Variants in HECW1 observed in about 807,000 individuals in gnomAD.
HECW1 encodes the protein E3 ubiquitin-protein ligase HECW1.
In HECW1, 61 loss-of-function variants were observed where a neutral mutation model predicts 182.3. The observed-to-expected ratio is 0.33, with a 90% CI of 0.27 to 0.41. The LOEUF (loss-of-function observed/expected upper bound fraction) is 0.41. Among genes scored for constraint, HECW1 ranks in the 10% least tolerant of loss-of-function variants. The pLI is 1.00. For synonymous variants in HECW1, 859 were observed against 832.6 expected (o/e 1.03, Z -0.55); for missense variants, 1,739 against 2,108.9 (o/e 0.82, Z 3.44).
intron 12 of HECW1, among the ~76,000 whole-genome samples, chr7:43,454,424 A>G (rs2152887065): frequency 6.6e-6 from 1 of 152,374 alleles, no homozygotes; most frequent in East Asian, 1.9e-4. Context: ...TTTCTAGATC[A>G]AGATTAATTA....
intron 4 of HECW1, among the ~76,000 whole-genome samples, chr7:43,319,775 A>ATTTTTTTTT (rs10604163): frequency 2.2e-4 from 23 of 105,492 alleles, no homozygotes; most frequent in African/African-American, 6.5e-4. Flanking sequence ...AATTTTTGTA[A>ATTTTTTTTT]TTTTTTTTTT....
intron 2 of HECW1, among the ~76,000 whole-genome samples, chr7:43,211,803 C>T (rs1796032757): frequency 6.6e-6 from 1 of 152,202 alleles, no homozygotes; most frequent in Non-Finnish European, 1.5e-5. Context: ...ACCCTTTGAG[C>T]TTCCCTTCTG....
intron 2 of HECW1, among the ~76,000 whole-genome samples, chr7:43,159,099 C>T (rs1033618469): frequency 2.7e-5 from 4 of 148,752 alleles, no homozygotes; most frequent in African/African-American, 1.0e-4. Flanking sequence ...TTGCATGAAT[C>T]TGACAGTTTA....
At chr7:43,207,761 A>T (rs1392521952) in intron 2 of HECW1, 2 of 152,186 alleles carry the variant, frequency 1.3e-5, no homozygotes, top group Admixed American at 6.5e-5. Context: ...ATTGTACTTT[A>T]AAAAACATGG....
chr7:43,300,382 G>A (rs1404738112), intron 3 of HECW1, among the ~76,000 whole-genome samples: 23 of 152,180 alleles, frequency 1.5e-4, no homozygotes, highest in Non-Finnish European at 3.2e-4. Flanking sequence ...GCAGAGTGAT[G>A]ACAGGGAAGG....
chr7:43,509,077 G>T lies in HECW1; in HGVS notation c.3975G>T (p.Val1325=), dbSNP rs1243799118. The change falls in exon 24 of 30, where the codon GTG becomes GTT. Residue 1325 remains valine, a synonymous_variant. Coordinates refer to ENST00000395891, the MANE Select transcript of HECW1 (RefSeq NM_015052.5). ...FEYSANDTYT[V]QISPMSAFVE... ...ACTCGGCAAATGATACTTACACGGT[G>T]CAGATCAGCCCCATGTCCGCATTTG... 10 of 1,614,032 alleles carry T rather than the reference G, an allele frequency of 6.2e-6. No homozygotes were observed. In the Admixed American group the frequency reaches 1.7e-4, roughly 27 times the overall value.
chr7:43,539,904 G>A (rs1039169551), intron 24 of HECW1, among the ~76,000 whole-genome samples: 6 of 152,074 alleles, frequency 3.9e-5, no homozygotes, highest in South Asian at 2.1e-4. Flanking sequence ...TGGGGTGGTC[G>A]GGAAAGGGCA....
At chr7:43,196,114 G>A (rs546150051) in intron 2 of HECW1, among the ~76,000 whole-genome samples, 11 of 152,146 alleles carry the variant, frequency 7.2e-5, no homozygotes, top group Admixed American at 1.3e-4. Flanking sequence ...TGAAACTGCC[G>A]CCTGGAATTT....
intron 17 of HECW1, among the ~76,000 whole-genome samples, chr7:43,488,466 A>AAG (rs1360805806): frequency 4.5e-4 from 67 of 149,830 alleles, no homozygotes; most frequent in African/African-American, 1.6e-3. Flanking sequence ...GAAAGAAAGA[A>AAG]AGAAAGAAAG....
intron 2 of HECW1, among the ~76,000 whole-genome samples, chr7:43,115,640 T>G (rs527963026): frequency 6.6e-6 from 1 of 152,366 alleles, no homozygotes; most frequent in South Asian, 2.1e-4. Flanking sequence ...AGGCAGGCAG[T>G]GTTTTCATGC....
chr7:43,338,035 G>A (rs1812519795), intron 5 of HECW1, among the ~76,000 whole-genome samples: 1 of 152,134 alleles, frequency 6.6e-6, no homozygotes, highest in Non-Finnish European at 1.5e-5. Context: ...ACTGGTTTCA[G>A]GCAACTCAGT....
chr7:43,201,756 T>A (rs1381631975), intron 2 of HECW1, among the ~76,000 whole-genome samples: 12 of 152,190 alleles, frequency 7.9e-5, no homozygotes, highest in Middle Eastern at 3.2e-3. Flanking sequence ...AATGGTCTTG[T>A]GTGGAGAGAA....
chr7:43,396,960 C>T, intron 7 of HECW1, 71 bp downstream of exon 7: 1 of 1,072,046 alleles, frequency 9.3e-7, no homozygotes, highest in African/African-American at 1.5e-5. Context: ...CACTCACTTC[C>T]ATTTCACTCT....
At chr7:43,290,843 G>A (rs1290043022) in intron 3 of HECW1, among the ~76,000 whole-genome samples, 1 of 152,232 alleles carries the variant, frequency 6.6e-6, no homozygotes, top group African/African-American at 2.4e-5. Flanking sequence ...TCATGGTGGA[G>A]ACCTAAGAGC....
intron 12 of HECW1, 45 bp from the exon 13 acceptor site, chr7:43,456,252 T>C (rs1373729253): frequency 6.4e-7 from 1 of 1,570,624 alleles, no homozygotes; most frequent in East Asian, 2.3e-5. Flanking sequence ...CGTGGGTCAG[T>C]AGTTTGTCCT....
intron 2 of HECW1, among the ~76,000 whole-genome samples, chr7:43,221,236 A>G (rs1177335510): frequency 6.6e-6 from 1 of 152,150 alleles, no homozygotes; most frequent in Non-Finnish European, 1.5e-5. Flanking sequence ...CAGGGGTCCC[A>G]TTTCACATAC....
chr7:43,230,895 A>T (rs1040774869), intron 2 of HECW1, among the ~76,000 whole-genome samples: 5 of 91,610 alleles, frequency 5.5e-5, no homozygotes, highest in Non-Finnish European at 1.4e-4. Context: ...TAAAAAAAAT[A>T]AATTAAAGCA....
At chr7:43,237,148 G>A (rs1195531887) in intron 2 of HECW1, among the ~76,000 whole-genome samples, 5 of 81,646 alleles carry the variant, frequency 6.1e-5, no homozygotes, top group Non-Finnish European at 9.6e-5. Context: ...GAAGTAGGTA[G>A]GTAGGTAGGT....
At chr7:43,337,509 A>T (rs1812451793) in intron 5 of HECW1, among the ~76,000 whole-genome samples, 1 of 152,218 alleles carries the variant, frequency 6.6e-6, no homozygotes, top group Non-Finnish European at 1.5e-5. Flanking sequence ...CCCCAAGGTG[A>T]CATCTCTAGG....
Sources: gnomAD v4.1 joint callset for allele counts (sites outside exome capture counted in the v4.1 genomes callset) on GRCh38, gnomAD v4.1.1 for gene constraint, MANE v1.5 for transcripts, NCBI Gene and HGNC (gene_info 2026-07-23, HGNC 2026-07-21) for gene names.